ILKAP: variants seen among roughly 807,000 people sequenced by gnomAD.
ILKAP encodes the protein integrin-linked kinase-associated serine/threonine phosphatase 2C.
In ILKAP, 11 loss-of-function variants were observed where a neutral mutation model predicts 49.1. The observed-to-expected ratio is 0.22, with a 90% confidence interval of 0.14 to 0.37. ILKAP has a LOEUF of 0.37. Ranked by LOEUF, ILKAP falls within the 10% of genes least tolerant of loss-of-function variation. The pLI is 1.00. For missense variants in ILKAP, 363 were observed against 510.8 expected (o/e 0.71, Z 2.79); for synonymous variants, 186 against 192.8 (o/e 0.96, Z 0.29).
At chr2:238,202,718 C>T (rs1171595271) in intron 1 of ILKAP, among the ~76,000 whole-genome samples, 1 of 151,994 alleles carries the variant, frequency 6.6e-6, no homozygotes, top group Non-Finnish European at 1.5e-5. Flanking sequence ...CAGATGAAAC[C>T]CGGAGACTGT....
At chr2:238,198,405 A>G (rs1254779689) in intron 1 of ILKAP, among the ~76,000 whole-genome samples, 3 of 149,726 alleles carry the variant, frequency 2.0e-5, no homozygotes, top group East Asian at 3.9e-4. Context: ...TGCCCAGCTA[A>G]TTTTTTAACT....
At chr2:238,196,687 C>T (rs1176328159) in intron 1 of ILKAP, among the ~76,000 whole-genome samples, 2 of 152,110 alleles carry the variant, frequency 1.3e-5, no homozygotes, top group Non-Finnish European at 2.9e-5. Context: ...GAAATTTCTC[C>T]CGGGGTCTTT....
chr2:238,176,815 AG>A (rs1693480028), intron 9 of ILKAP, among the ~76,000 whole-genome samples: 2 of 152,268 alleles, frequency 1.3e-5, no homozygotes, highest in South Asian at 4.1e-4. Flanking sequence ...CTCAATAAAC[AG>A]ACTATCCACA....
intron 9 of ILKAP, among the ~76,000 whole-genome samples, chr2:238,174,650 T>C (rs1180431070): frequency 6.6e-6 from 1 of 152,208 alleles, no homozygotes; most frequent in Non-Finnish European, 1.5e-5. Flanking sequence ...ACCCTCTCAG[T>C]GGCTCACAGG....
intron 9 of ILKAP, among the ~76,000 whole-genome samples, chr2:238,180,277 A>C (rs1693634655): frequency 6.6e-6 from 1 of 152,224 alleles, no homozygotes; most frequent in Non-Finnish European, 1.5e-5. Context: ...TTTGGGGATA[A>C]CTCGGGAAAT....
intron 5 of ILKAP, chr2:238,186,088 A>C (rs1693897559): frequency 6.6e-6 from 1 of 152,278 alleles, no homozygotes; most frequent in Non-Finnish European, 1.5e-5. Context: ...ACAGTAAAAA[A>C]TACAGTCATG....
intron 5 of ILKAP, chr2:238,186,614 A>T (rs1212110745): frequency 6.6e-6 from 1 of 152,044 alleles, no homozygotes; most frequent in Non-Finnish European, 1.5e-5. Context: ...CATTTTTAAA[A>T]CCTATCTTAC....
intron 1 of ILKAP, among the ~76,000 whole-genome samples, chr2:238,195,310 C>T (rs549215429): frequency 1.3e-5 from 2 of 152,212 alleles, no homozygotes; most frequent in East Asian, 3.9e-4. Flanking sequence ...CCTTCAAAGA[C>T]CTACAGGTTT....
At chr2:238,187,229 A>C (rs1366377386) in intron 5 of ILKAP, among the ~76,000 whole-genome samples, 2 of 152,194 alleles carry the variant, frequency 1.3e-5, no homozygotes, top group African/African-American at 4.8e-5. Context: ...CTCCAGCCTG[A>C]GCAAGACAGC....
At chr2:238,183,069 G>A (rs1002525121) in intron 8 of ILKAP, among the ~76,000 whole-genome samples, 6 of 152,146 alleles carry the variant, frequency 3.9e-5, no homozygotes, top group African/African-American at 1.4e-4. Context: ...ATGCAGAGGA[G>A]GCAGGGTCTG....
At chr2:238,174,999 G>A (rs1477993471) in intron 9 of ILKAP, among the ~76,000 whole-genome samples, 1 of 152,190 alleles carries the variant, frequency 6.6e-6, no homozygotes, top group African/African-American at 2.4e-5. Flanking sequence ...GCAGGTCCCA[G>A]AAGACCAAGT....
At chr2:238,194,692 A>C in intron 2 of ILKAP, 113 bp downstream of exon 2, 2 of 1,104,270 alleles carry the variant, frequency 1.8e-6, no homozygotes, top group Admixed American at 2.1e-5. Context: ...ACAGTCCAAC[A>C]CCTAAAACAT....
chr2:238,186,470 C>T (rs1206567843), intron 5 of ILKAP: 1 of 152,176 alleles, frequency 6.6e-6, no homozygotes, highest in Non-Finnish European at 1.5e-5. Context: ...CCCATCTCTA[C>T]AAAATTTGTA....
At chr2:238,203,428 C>T in intron 1 of ILKAP, 71 bp downstream of exon 1, 1 of 835,466 alleles carries the variant, frequency 1.2e-6, no homozygotes, top group Non-Finnish European at 1.5e-6. Flanking sequence ...CCTCAGCCGC[C>T]CCGGGCCTCA....
intron 1 of ILKAP, among the ~76,000 whole-genome samples, 169 bp downstream of exon 1, chr2:238,203,330 G>A (rs893393184): frequency 4.0e-5 from 6 of 150,472 alleles, no homozygotes; most frequent in African/African-American, 7.3e-5. Context: ...CCTCCGACAG[G>A]GCCGCCAGTG....
chr2:238,182,877 T>A (rs1693754056), intron 8 of ILKAP, among the ~76,000 whole-genome samples: 1 of 152,152 alleles, frequency 6.6e-6, no homozygotes, highest in African/African-American at 2.4e-5. Context: ...GGGGCTGTCA[T>A]CTGTTATAGT....
chr2:238,189,367 G>A (rs1365136522), intron 4 of ILKAP, among the ~76,000 whole-genome samples: 2 of 152,132 alleles, frequency 1.3e-5, no homozygotes, highest in African/African-American at 4.8e-5. Context: ...TACCACAACT[G>A]AAGTATTCTC....
intron 3 of ILKAP, 103 bp downstream of exon 3, chr2:238,194,172 A>T: frequency 1.1e-6 from 1 of 950,580 alleles, no homozygotes; most frequent in Non-Finnish European, 1.7e-6. Context: ...ATTATGACTT[A>T]ATGTCATCCA....
intron 6 of ILKAP, among the ~76,000 whole-genome samples, chr2:238,184,334 C>T (rs1202625237): frequency 6.6e-6 from 1 of 152,114 alleles, no homozygotes; most frequent in Non-Finnish European, 1.5e-5. Context: ...GGAATACAGG[C>T]GCGCGCAACC....
Sources: allele counts gnomAD v4.1 joint callset (sites outside exome capture counted in the v4.1 genomes callset), GRCh38; gene constraint gnomAD v4.1.1; transcripts MANE v1.5; gene names NCBI Gene and HGNC (gene_info 2026-07-23, HGNC 2026-07-21).